The following NMBR variants were observed in gnomAD, a reference collection of about 807,000 sequenced individuals.
NMBR encodes neuromedin B receptor.
A neutral mutation model predicts 20.5 loss-of-function variants in NMBR; 16 were observed. The ratio of observed to expected loss-of-function variants is 0.78; its 90% CI spans 0.53 to 1.19. The LOEUF is 1.19. Ranked by LOEUF, NMBR falls within the 50% of genes most tolerant of loss-of-function variation. The pLI is 0.00. For synonymous variants in NMBR, 212 were observed against 196.6 expected, an observed-to-expected ratio of 1.08 and a Z score of -0.65; for missense variants, 582 against 499.1, an observed-to-expected ratio of 1.17 and a Z score of -1.58.
At chr6:142,127,844 T>C (rs1778065281) in intron 1 of NMBR, among the ~76,000 whole-genome samples, 1 of 152,102 alleles carries the variant, frequency 6.6e-6, no homozygotes, top group African/African-American at 2.4e-5. Context: ...TTTTGTGTCC[T>C]GCAACTTTAC....
chr6:142,109,707 T>C (rs930232655), intron 1 of NMBR, among the ~76,000 whole-genome samples: 1 of 152,138 alleles, frequency 6.6e-6, no homozygotes, highest in African/African-American at 2.4e-5. Flanking sequence ...GAATGTTTGT[T>C]ACTCTTTTAA....
chr6:142,105,060 C>T (rs536627969), intron 1 of NMBR, among the ~76,000 whole-genome samples: 3 of 151,584 alleles, frequency 2.0e-5, no homozygotes, highest in Admixed American at 1.3e-4. Flanking sequence ...TTACAAAGTA[C>T]CTTCTCAAGG....
chr6:142,122,813 A>T (rs952375023), intron 1 of NMBR, among the ~76,000 whole-genome samples: 1 of 151,866 alleles, frequency 6.6e-6, no homozygotes, highest in Non-Finnish European at 1.5e-5. Context: ...TAAATGCACT[A>T]TTGAGACTTA....
chr6:142,130,462 C>A (rs1463037200), intron 1 of NMBR, among the ~76,000 whole-genome samples: 1 of 152,040 alleles, frequency 6.6e-6, no homozygotes, highest in African/African-American at 2.4e-5. Flanking sequence ...CTCAATTAGA[C>A]AAAAGATTTC....
intron 1 of NMBR, among the ~76,000 whole-genome samples, chr6:142,138,638 T>C (rs1778313167): frequency 6.6e-6 from 1 of 152,170 alleles, no homozygotes; most frequent in South Asian, 2.1e-4. Flanking sequence ...ATTTTATCCT[T>C]ATTTTTAAAT....
chr6:142,127,377 T>G (rs536936599), intron 1 of NMBR, among the ~76,000 whole-genome samples: 70 of 152,204 alleles, frequency 4.6e-4, no homozygotes, highest in Middle Eastern at 3.4e-3. Context: ...TATACTATTT[T>G]GATTACTGTA....
intron 1 of NMBR, among the ~76,000 whole-genome samples, chr6:142,116,347 T>C (rs2114594057): frequency 6.6e-6 from 1 of 151,982 alleles, no homozygotes; most frequent in African/African-American, 2.4e-5. Context: ...GGATGCAGTA[T>C]ATAGAATGTT....
chr6:142,108,801 T>G (rs1300136033), intron 1 of NMBR, among the ~76,000 whole-genome samples: 1 of 152,098 alleles, frequency 6.6e-6, no homozygotes, highest in Non-Finnish European at 1.5e-5. Flanking sequence ...GCCTTTCCAA[T>G]AGTCCCCCAA....
At chr6:142,108,552 C>T (rs1249642051) in intron 1 of NMBR, among the ~76,000 whole-genome samples, 1 of 152,036 alleles carries the variant, frequency 6.6e-6, no homozygotes. Context: ...AGAGAAGTGC[C>T]GAGCAAAGGA....
At chr6:142,123,305 T>C (rs972097656) in intron 1 of NMBR, among the ~76,000 whole-genome samples, 2 of 151,900 alleles carry the variant, frequency 1.3e-5, no homozygotes, top group South Asian at 4.1e-4. Flanking sequence ...TGTGATCTCA[T>C]GATAAAACCA....
intron 2 of NMBR, 94 bp downstream of exon 2, chr6:142,088,143 G>A (rs1476229074): frequency 7.9e-7 from 1 of 1,265,930 alleles, no homozygotes; most frequent in Non-Finnish European, 1.1e-6. Flanking sequence ...CTTTCCTTGC[G>A]TCCTTCTGCC....
At chr6:142,080,074 A>G (rs945371116) in intron 2 of NMBR, among the ~76,000 whole-genome samples, 1 of 152,190 alleles carries the variant, frequency 6.6e-6, no homozygotes, top group Non-Finnish European at 1.5e-5. Flanking sequence ...ACAAATCTGA[A>G]TTATTACCCC....
At chr6:142,082,538 C>G (rs575994138) in intron 2 of NMBR, among the ~76,000 whole-genome samples, 163 of 152,310 alleles carry the variant, frequency 1.1e-3, no homozygotes, top group African/African-American at 3.9e-3. Context: ...TGTAGAGTTA[C>G]TAATGCAGAA....
chr6:142,077,793 G>A (rs566240754), intron 3 of NMBR, among the ~76,000 whole-genome samples: 47 of 152,258 alleles, frequency 3.1e-4, no homozygotes, highest in African/African-American at 1.1e-3. Flanking sequence ...TGCAAAACCC[G>A]TTAGAAGTTC....
chr6:142,144,736 T>C (rs1039990075), intron 1 of NMBR, among the ~76,000 whole-genome samples: 3 of 152,138 alleles, frequency 2.0e-5, no homozygotes, highest in African/African-American at 7.2e-5. Flanking sequence ...AAATCAATTA[T>C]CATCTCATGA....
intron 1 of NMBR, among the ~76,000 whole-genome samples, chr6:142,099,471 AC>A (rs1415702947): frequency 6.6e-6 from 1 of 152,144 alleles, no homozygotes; most frequent in East Asian, 1.9e-4. Context: ...ACACTTTCAA[AC>A]GAGCAGATCT....
At chr6:142,094,022 T>A (rs892624164) in intron 1 of NMBR, among the ~76,000 whole-genome samples, 4 of 151,872 alleles carry the variant, frequency 2.6e-5, no homozygotes, top group Admixed American at 2.6e-4. Context: ...GTAAATTTGT[T>A]TGAGTTCATT....
At chr6:142,143,983 C>G (rs1358028602) in intron 1 of NMBR, among the ~76,000 whole-genome samples, 1 of 152,142 alleles carries the variant, frequency 6.6e-6, no homozygotes, top group East Asian at 1.9e-4. Flanking sequence ...TTTGTGAATA[C>G]ATTATATTCG....
intron 1 of NMBR, among the ~76,000 whole-genome samples, chr6:142,102,862 C>T (rs1166904299): frequency 6.6e-6 from 1 of 152,112 alleles, no homozygotes; most frequent in Non-Finnish European, 1.5e-5. Flanking sequence ...CAACAGATGC[C>T]CTTTTCAATT....
Sources: gnomAD v4.1 joint callset for allele counts (sites outside exome capture counted in the v4.1 genomes callset) on GRCh38, gnomAD v4.1.1 for gene constraint, MANE v1.5 for transcripts, NCBI Gene and HGNC (gene_info 2026-07-23, HGNC 2026-07-21) for gene names.